The following MYO16 variants were observed in gnomAD, a reference collection of about 807,000 sequenced individuals.
MYO16 encodes unconventional myosin-XVI.
A neutral mutation model predicts 205.3 loss-of-function variants in MYO16; 94 were observed. The observed-to-expected ratio is 0.46, with a 90% CI of 0.39 to 0.54. The LOEUF (loss-of-function observed/expected upper bound fraction) is 0.54. Among genes scored for constraint, MYO16 ranks in the 20% least tolerant of loss-of-function variants. MYO16 has a pLI of 0.00. For missense variants in MYO16, 2,315 were observed against 2,387.5 expected, an observed-to-expected ratio of 0.97 and a Z score of 0.63; for synonymous variants, 988 against 954.0, an observed-to-expected ratio of 1.04 and a Z score of -0.66.
intron 20 of MYO16, among the ~76,000 whole-genome samples, chr13:108,974,551 T>C (rs1444619667): frequency 2.0e-5 from 3 of 152,204 alleles, no homozygotes; most frequent in African/African-American, 7.2e-5. Flanking sequence ...TCAATGTTGT[T>C]CATAGTCTCC....
chr13:108,919,814 A>T (rs1313634815), intron 16 of MYO16, among the ~76,000 whole-genome samples: 4 of 152,218 alleles, frequency 2.6e-5, no homozygotes, highest in Non-Finnish European at 5.9e-5. Context: ...AAAACCAAAC[A>T]TTCACGTATG....
chr13:108,516,463 A>G, the MYO16 span, among the ~76,000 whole-genome samples: 5 of 152,128 alleles, frequency 3.3e-5, no homozygotes, highest in Non-Finnish European at 4.4e-5. Flanking sequence ...GGAGCTGTAG[A>G]CCGGAGCTGT....
chr13:108,702,523 G>C (rs759776914), intron 2 of MYO16, among the ~76,000 whole-genome samples: 2 of 152,068 alleles, frequency 1.3e-5, no homozygotes, highest in Admixed American at 1.3e-4. Context: ...TTACTAACAG[G>C]TCTGCCCTTC....
chr13:109,123,462 A>G (rs977710123), intron 29 of MYO16, among the ~76,000 whole-genome samples: 2 of 152,140 alleles, frequency 1.3e-5, no homozygotes, highest in African/African-American at 4.8e-5. Context: ...TTAGTGTAAC[A>G]AGAAAGAACG....
chr13:108,837,851 A>G (rs1877008620), intron 9 of MYO16, among the ~76,000 whole-genome samples: 2 of 152,204 alleles, frequency 1.3e-5, no homozygotes, highest in Admixed American at 1.3e-4. Context: ...TTCTAAAGAA[A>G]TCTTTCTACT....
intron 15 of MYO16, among the ~76,000 whole-genome samples, chr13:108,905,584 A>C (rs1005875287): frequency 6.6e-6 from 1 of 152,186 alleles, no homozygotes; most frequent in Non-Finnish European, 1.5e-5. Context: ...TCAGACAAGA[A>C]AATGATCTCC....
intron 2 of MYO16, among the ~76,000 whole-genome samples, chr13:108,685,025 A>ATTTTT (rs60535536): frequency 4.2e-5 from 6 of 142,066 alleles, no homozygotes; most frequent in Admixed American, 7.0e-5. Context: ...AACCACCCCA[A>ATTTTT]TTTTTTTTTT....
chr13:108,945,720 A>C (rs926336400), intron 16 of MYO16, among the ~76,000 whole-genome samples: 1 of 152,202 alleles, frequency 6.6e-6, no homozygotes, highest in Non-Finnish European at 1.5e-5. Flanking sequence ...TCATTTAGTT[A>C]CATACATTGT....
chr13:108,816,817 A>T (rs1399795395), intron 7 of MYO16, among the ~76,000 whole-genome samples: 2 of 152,312 alleles, frequency 1.3e-5, no homozygotes, highest in Non-Finnish European at 2.9e-5. Flanking sequence ...CTGATTTCCC[A>T]CTACAATACA....
chr13:108,685,461 G>A (rs1342917101), intron 2 of MYO16, among the ~76,000 whole-genome samples: 1 of 152,154 alleles, frequency 6.6e-6, no homozygotes, highest in Non-Finnish European at 1.5e-5. Context: ...TGGAATTGCT[G>A]GTGTCCACTG....
At chr13:109,076,367 A>G (rs1888102286) in intron 27 of MYO16, among the ~76,000 whole-genome samples, 1 of 152,130 alleles carries the variant, frequency 6.6e-6, no homozygotes, top group African/African-American at 2.4e-5. Context: ...TCTTTCTTCT[A>G]ATATAAACAT....
At chr13:108,812,471 C>T (rs577504866) in intron 7 of MYO16, among the ~76,000 whole-genome samples, 5 of 151,832 alleles carry the variant, frequency 3.3e-5, no homozygotes, top group Admixed American at 2.0e-4. Context: ...GGTGAGTGCG[C>T]ACGCCCCTTG....
intron 27 of MYO16, among the ~76,000 whole-genome samples, chr13:109,074,250 T>C (rs1267265106): frequency 6.6e-6 from 1 of 152,206 alleles, no homozygotes; most frequent in Non-Finnish European, 1.5e-5. Context: ...AGCCCTTTTA[T>C]AGTGTCACTT....
At position 108,670,865 on chromosome 13, in the gene MYO16, G is replaced by A. The variant is rs527762108; in HGVS notation, c.292+4716G>A. ...GAATATAATATAATCTTATCAATAG[G>A]CAGTCAATATTTGTTACATAATTAA... On this transcript the variant is annotated intron_variant, in intron 2 of 34. Transcript: ENST00000457511. 4.6e-5 allele frequency among the ~76,000 whole-genome samples: 7 copies of A among 152,208 alleles called. No individual in the cohort carries two copies. The South Asian group carries it at 1.0e-3, about 23-fold the overall frequency.
intron 16 of MYO16, among the ~76,000 whole-genome samples, chr13:108,915,930 G>A (rs1034396207): frequency 7.9e-5 from 12 of 152,154 alleles, no homozygotes; most frequent in African/African-American, 1.7e-4. Context: ...TACCTGTCAC[G>A]GGGAAGCCAC....
chr13:109,083,835 A>G (rs1888355191), intron 27 of MYO16, among the ~76,000 whole-genome samples: 1 of 152,186 alleles, frequency 6.6e-6, no homozygotes, highest in African/African-American at 2.4e-5. Flanking sequence ...AAATATTTGC[A>G]ACAGTCTGTC....
chr13:109,112,645 C>T (rs768920336), intron 28 of MYO16, among the ~76,000 whole-genome samples: 5 of 151,996 alleles, frequency 3.3e-5, no homozygotes, highest in Admixed American at 6.6e-5. Flanking sequence ...ATCCCAGCTA[C>T]TCAGGAGGCT....
intron 23 of MYO16, among the ~76,000 whole-genome samples, chr13:109,031,747 G>A (rs1385580894): frequency 6.6e-6 from 1 of 152,086 alleles, no homozygotes; most frequent in Non-Finnish European, 1.5e-5. Context: ...GGCAAGATTA[G>A]TTTTTTCCTT....
intron 27 of MYO16, among the ~76,000 whole-genome samples, chr13:109,092,937 T>A (rs1888666123): frequency 6.6e-6 from 1 of 152,234 alleles, no homozygotes; most frequent in South Asian, 2.1e-4. Flanking sequence ...TTTCAGCCTG[T>A]TCTTTTAAAA....
Sources: gnomAD v4.1 joint callset for allele counts (sites outside exome capture counted in the v4.1 genomes callset) on GRCh38, gnomAD v4.1.1 for gene constraint, MANE v1.5 for transcripts, NCBI Gene and HGNC (gene_info 2026-07-23, HGNC 2026-07-21) for gene names.